ECE1: variants seen among roughly 807,000 people sequenced by gnomAD.
The protein encoded by ECE1 is endothelin-converting enzyme 1.
In ECE1, 35 loss-of-function variants were observed where a neutral mutation model predicts 98.6. That is an observed-to-expected ratio of 0.35 (90% CI 0.27 to 0.47). The LOEUF (loss-of-function observed/expected upper bound fraction) is 0.47. Among genes scored for constraint, ECE1 ranks in the 20% least tolerant of loss-of-function variants. The probability of loss-of-function intolerance (pLI) is 1.00; values close to 1 mark genes in which losing one functional copy is unlikely to be tolerated. For synonymous variants in ECE1, 394 were observed against 407.1 expected (o/e 0.97, Z 0.39); for missense variants, 814 against 1,025.3 (o/e 0.79, Z 2.81).
chr1:21,296,469 C>T (rs564726851), intron 1 of ECE1, among the ~76,000 whole-genome samples: 3 of 152,190 alleles, frequency 2.0e-5, no homozygotes, highest in East Asian at 3.9e-4. Context: ...GCTGAGATCA[C>T]GCCACTGCAC....
chr1:21,248,933 C>T (rs2098208115), intron 8 of ECE1, among the ~76,000 whole-genome samples: 1 of 152,072 alleles, frequency 6.6e-6, no homozygotes, highest in Non-Finnish European at 1.5e-5. Flanking sequence ...GCCAGAGCTC[C>T]CTGTCTTATC....
chr1:21,245,154 T>C (rs2098201694), intron 9 of ECE1, 51 bp from the exon 10 acceptor site: 1 of 1,530,548 alleles, frequency 6.5e-7, no homozygotes, highest in South Asian at 1.1e-5. Flanking sequence ...GCAGGGAGGA[T>C]TGCGGCCCTT....
intron 4 of ECE1, among the ~76,000 whole-genome samples, chr1:21,268,932 G>C (rs572874390): frequency 6.6e-6 from 1 of 152,250 alleles, no homozygotes; most frequent in East Asian, 1.9e-4. Context: ...CGAGGACTGA[G>C]CCTTGAGGGA....
At chr1:21,287,881 T>TG (rs778888384) in intron 2 of ECE1, among the ~76,000 whole-genome samples, 13 of 152,234 alleles carry the variant, frequency 8.5e-5, no homozygotes, top group Admixed American at 1.3e-4. Flanking sequence ...GCAGGATTAC[T>TG]GCTCCGTTTT....
intron 1 of ECE1, among the ~76,000 whole-genome samples, chr1:21,337,204 C>T (rs868335133): frequency 3.3e-5 from 5 of 152,296 alleles, no homozygotes; most frequent in African/African-American, 1.2e-4. Context: ...ATGTCAGCCA[C>T]GGACATTTAC....
intron 1 of ECE1, among the ~76,000 whole-genome samples, chr1:21,335,849 C>T (rs1045053554): frequency 2.6e-5 from 4 of 152,196 alleles, no homozygotes; most frequent in Non-Finnish European, 4.4e-5. Context: ...CAGTGCTTGA[C>T]GGAAGGGGAA....
intron 4 of ECE1, among the ~76,000 whole-genome samples, chr1:21,262,788 T>C (rs1429282827): frequency 2.0e-5 from 3 of 152,256 alleles, no homozygotes; most frequent in Non-Finnish European, 4.4e-5. Flanking sequence ...GCTGAGAGGC[T>C]GCCACAGGCC....
At chr1:21,302,434 A>G (rs213058) in intron 1 of ECE1, among the ~76,000 whole-genome samples, 106,441 of 152,182 alleles carry the variant, frequency 0.7, 38,746 homozygotes, top group African/African-American at 0.91. Context: ...ATAACAGCTC[A>G]TATCTCAGAA....
At chr1:21,304,264 C>G (rs141115560) in intron 1 of ECE1, among the ~76,000 whole-genome samples, 1 of 138,162 alleles carries the variant, frequency 7.2e-6, no homozygotes, top group African/African-American at 2.8e-5. Context: ...TGCAGTGAGC[C>G]GAGATCGCGC....
intron 1 of ECE1, among the ~76,000 whole-genome samples, chr1:21,337,069 C>T (rs1639318074): frequency 6.6e-6 from 1 of 152,106 alleles, no homozygotes; most frequent in African/African-American, 2.4e-5. Context: ...GAAAGTTAAA[C>T]ACACATTGCC....
chr1:21,263,362 T>TA (rs1553360774), intron 4 of ECE1, among the ~76,000 whole-genome samples: 7 of 83,502 alleles, frequency 8.4e-5, no homozygotes, highest in South Asian at 4.3e-4. Context: ...TTTATATTTA[T>TA]TTTTTTTTTT....
chr1:21,221,744 C>A lies in ECE1; in HGVS notation c.2136+3G>T, dbSNP rs2098167723. 6.2e-7 allele frequency: 1 copy of A among 1,613,876 alleles called. No individual in the cohort carries two copies. The highest frequency in any genetic ancestry group is 8.5e-7 in the Non-Finnish European group (1 of 1,179,690). On this transcript the variant is annotated splice_donor_region_variant and intron_variant, in intron 18 of 18. Coordinates refer to ENST00000374893, the MANE Select transcript of ECE1 (RefSeq NM_001397.3). ...GTGTGGCATGTTTTCCTAATGGACT[C>A]ACCTGTGCAAAGCCCAGGAAGAAGA...
At chr1:21,281,591 C>T (rs1305338616) in intron 2 of ECE1, among the ~76,000 whole-genome samples, 1 of 152,220 alleles carries the variant, frequency 6.6e-6, no homozygotes, top group African/African-American at 2.4e-5. Context: ...ATGTGTCCTG[C>T]TGCCCCTAAT....
chr1:21,269,545 T>A (rs911862607), intron 4 of ECE1, among the ~76,000 whole-genome samples: 2 of 152,194 alleles, frequency 1.3e-5, no homozygotes, highest in Non-Finnish European at 2.9e-5. Context: ...CTGGGTGACC[T>A]CTCTGCAGTC....
chr1:21,332,896 G>A (rs1222831902), intron 1 of ECE1, among the ~76,000 whole-genome samples: 1 of 152,050 alleles, frequency 6.6e-6, no homozygotes, highest in Non-Finnish European at 1.5e-5. Flanking sequence ...TATGGAAAGA[G>A]AAACAATTGG....
intron 1 of ECE1, among the ~76,000 whole-genome samples, chr1:21,342,602 A>G: frequency 1.2e-5 from 1 of 84,920 alleles, no homozygotes; most frequent in African/African-American, 3.4e-5. Flanking sequence ...ACAGACACAC[A>G]CAGATACACA....
At chr1:21,290,552 A>AC (rs915672433), upstream of ECE1, 13 of 1,190,966 alleles carry the variant, frequency 1.1e-5, no homozygotes, top group African/African-American at 1.9e-4. This position sits in a 1 kb window ranked among gnomAD's most constrained non-coding sequence, Gnocchi z 7.3. Flanking sequence ...TCCCGGGGAG[A>AC]CCCCAAGACC....
At chr1:21,333,679 C>T (rs1378040844) in intron 1 of ECE1, among the ~76,000 whole-genome samples, 2 of 152,124 alleles carry the variant, frequency 1.3e-5, no homozygotes, top group East Asian at 3.9e-4. Flanking sequence ...CTAAAAAATA[C>T]AAAAGTTAGC....
chr1:21,222,038 G>A (rs973538597), intron 17 of ECE1, 196 bp from the exon 18 acceptor site: 15 of 620,796 alleles, frequency 2.4e-5, no homozygotes, highest in Non-Finnish European at 4.0e-5. Flanking sequence ...TACCTTCTAC[G>A]CACTGATGGC....
Sources: gnomAD v4.1 joint callset for allele counts (sites outside exome capture counted in the v4.1 genomes callset) on GRCh38, gnomAD v4.1.1 for gene constraint, Gnocchi (gnomAD v3.1) non-coding constraint, MANE v1.5 for transcripts, NCBI Gene and HGNC (gene_info 2026-07-23, HGNC 2026-07-21) for gene names.